TENM4: variants seen among roughly 807,000 people sequenced by gnomAD.
TENM4 encodes the protein teneurin-4.
TENM4 carries 82 observed loss-of-function variants against 243.3 expected under a neutral mutation model. That is an observed-to-expected ratio of 0.34 (90% CI 0.28 to 0.40). TENM4 has a LOEUF of 0.40. TENM4 is among the 10% of genes least tolerant of loss of function. The pLI is 1.00. For missense variants in TENM4, 3,138 were observed against 3,673.3 expected (o/e 0.85, Z 3.77); for synonymous variants, 1,412 against 1,456.3 (o/e 0.97, Z 0.69).
chr11:78,665,779 G>C (rs888605538), intron 32 of TENM4, among the ~76,000 whole-genome samples: 8 of 152,224 alleles, frequency 5.3e-5, no homozygotes, highest in African/African-American at 1.9e-4. Flanking sequence ...AGTGAAGATA[G>C]AGTGCAATGA....
chr11:79,010,627 G>A (rs1286074977), intron 6 of TENM4, among the ~76,000 whole-genome samples: 1 of 152,138 alleles, frequency 6.6e-6, no homozygotes, highest in South Asian at 2.1e-4. Flanking sequence ...GCAAAGAAGA[G>A]CTGTGCAGGG....
Position 79,148,734 on chromosome 11 carries a change from G to T in TENM4, c.-90C>A. 2.1e-6 allele frequency: 2 copies of T among 974,944 alleles called. No homozygotes were observed. The highest frequency in any genetic ancestry group is 2.4e-6 in the Non-Finnish European group (2 of 820,270). The allele number at this position is 974,944 out of a possible 1,614,324, so 60.4% of individuals were successfully genotyped here. A position where few individuals can be genotyped will look rare whatever the true frequency, so the allele number is the denominator to read the frequency against. ...CTTTTCTTTAAATCTTCTTAAAAGG[G>T]TCTAAGAATAGTCCTTCAAATAATC... is the stretch of plus-strand genomic sequence containing the variant. On this transcript the variant is annotated 5_prime_UTR_variant, in exon 4 of 34. Transcript: ENST00000278550.
Position 78,712,669 on chromosome 11 carries a change from A to G in TENM4, c.3867T>C (p.Ser1289=). 1 of 1,613,930 alleles carries G rather than the reference A, an allele frequency of 6.2e-7. No individual in the cohort carries two copies. Among genetic ancestry groups the G allele is most frequent in the East Asian group, 2.2e-5 (1 of 44,874 alleles). ...TGCTGTCAGAAAGGAAGACGGCCCC[A>G]CTCATGGGGTCTGTGGCCAGGTAGT... ...HKYYLATDPM[S]GAVFLSDSNS... The change falls in exon 26 of 34, where the codon AGT becomes AGC. Residue 1289 remains serine (S), a synonymous_variant. Coordinates refer to ENST00000278550, the MANE Select transcript of TENM4 (RefSeq NM_001098816.3).
intron 25 of TENM4, among the ~76,000 whole-genome samples, chr11:78,716,592 T>G (rs1480048234): frequency 2.6e-5 from 4 of 152,192 alleles, no homozygotes; most frequent in Admixed American, 6.5e-5. Context: ...GTGATGGTTC[T>G]CAAACATGGC....
intron 1 of TENM4, among the ~76,000 whole-genome samples, chr11:79,354,292 A>G (rs1336001910): frequency 6.6e-6 from 1 of 152,178 alleles, no homozygotes; most frequent in Non-Finnish European, 1.5e-5. Context: ...TGGCTGATGA[A>G]CCCTACCCAG....
rs560560597 is a variant in TENM4 at position 78,971,186 on chromosome 11, T to C, written c.494-67663A>G. 3.3e-5 allele frequency among the ~76,000 whole-genome samples: 5 copies of C among 152,304 alleles called. No homozygotes were observed. In the South Asian group the frequency reaches 8.3e-4, roughly 25 times the overall value. ...TCATAGGTGTGAGCCAAGTTCTTTT[T>C]ACACTTTTAAAGATTTTTTTAAAAA... On this transcript the variant is annotated intron_variant, in intron 6 of 33. Transcript: ENST00000278550.
chr11:79,359,628 T>A (rs1414990060), intron 1 of TENM4, among the ~76,000 whole-genome samples: 1 of 151,872 alleles, frequency 6.6e-6, no homozygotes, highest in Non-Finnish European at 1.5e-5. Flanking sequence ...ATAGAACAAG[T>A]CTGCTGGGAA....
intron 1 of TENM4, among the ~76,000 whole-genome samples, chr11:79,391,937 C>A (rs1255989165): frequency 6.7e-6 from 1 of 148,412 alleles, no homozygotes; most frequent in Non-Finnish European, 1.5e-5. Flanking sequence ...TTTGGCATAG[C>A]CAAATGATTT....
At chr11:79,203,509 C>G (rs1170335813) in intron 3 of TENM4, among the ~76,000 whole-genome samples, 2 of 152,160 alleles carry the variant, frequency 1.3e-5, no homozygotes, top group Non-Finnish European at 2.9e-5. Flanking sequence ...CCTGTATATA[C>G]TATGCTTTTT....
intron 4 of TENM4, among the ~76,000 whole-genome samples, chr11:79,075,309 C>T (rs953115279): frequency 3.1e-4 from 47 of 152,310 alleles, no homozygotes; most frequent in African/African-American, 1.0e-3. Context: ...CAACTGCAAA[C>T]CTTCTTTCCA....
intron 19 of TENM4, among the ~76,000 whole-genome samples, chr11:78,749,875 T>C (rs1342795278): frequency 6.6e-6 from 1 of 152,186 alleles, no homozygotes; most frequent in Non-Finnish European, 1.5e-5. Flanking sequence ...TCTCAGTTCC[T>C]GCCCCTAACC....
At chr11:78,873,211 C>T (rs774713325) in intron 9 of TENM4, among the ~76,000 whole-genome samples, 4 of 152,082 alleles carry the variant, frequency 2.6e-5, no homozygotes, top group Non-Finnish European at 4.4e-5. Context: ...TGTGAGTTAC[C>T]TCTGCTTCTT....
chr11:78,758,787 T>C (rs1362807959), intron 18 of TENM4, among the ~76,000 whole-genome samples: 1 of 152,154 alleles, frequency 6.6e-6, no homozygotes, highest in Non-Finnish European at 1.5e-5. Flanking sequence ...TGAAGGCAGA[T>C]AGTGATAAAG....
intron 18 of TENM4, among the ~76,000 whole-genome samples, chr11:78,768,452 T>C (rs1009015444): frequency 2.6e-5 from 4 of 152,242 alleles, no homozygotes; most frequent in African/African-American, 9.6e-5. Flanking sequence ...GATGCTCCTT[T>C]ATCCTGGCAA....
intron 12 of TENM4, among the ~76,000 whole-genome samples, chr11:78,823,021 C>T (rs1261877393): frequency 1.3e-5 from 2 of 152,194 alleles, no homozygotes; most frequent in African/African-American, 2.4e-5. Context: ...TTGGCAGCAG[C>T]GCTCTCGGAT....
intron 22 of TENM4, among the ~76,000 whole-genome samples, chr11:78,728,224 C>T (rs547188037): frequency 2.6e-5 from 4 of 152,266 alleles, no homozygotes; most frequent in South Asian, 2.1e-4. Context: ...GGATTGTATG[C>T]GAACCCATAG....
intron 12 of TENM4, among the ~76,000 whole-genome samples, chr11:78,830,623 G>T (rs992184533): frequency 6.6e-6 from 1 of 152,164 alleles, no homozygotes; most frequent in Admixed American, 6.5e-5. Context: ...GCCGCTGCTC[G>T]GGTCATCTGA....
intron 9 of TENM4, among the ~76,000 whole-genome samples, chr11:78,873,772 G>A (rs1039059810): frequency 1.3e-5 from 2 of 152,130 alleles, no homozygotes; most frequent in Non-Finnish European, 2.9e-5. Flanking sequence ...TTTTAAATGT[G>A]TGTTGAACAC....
intron 1 of TENM4, among the ~76,000 whole-genome samples, chr11:79,341,715 G>A (rs1857244989): frequency 6.6e-6 from 1 of 152,172 alleles, no homozygotes; most frequent in South Asian, 2.1e-4. Context: ...GAATTCTTGT[G>A]TGAAGGATGT....
Sources: gnomAD v4.1 joint callset for allele counts (sites outside exome capture counted in the v4.1 genomes callset) on GRCh38, gnomAD v4.1.1 for gene constraint, MANE v1.5 for transcripts, NCBI Gene and HGNC (gene_info 2026-07-23, HGNC 2026-07-21) for gene names.